Variants in CBLN2 observed in about 807,000 individuals in gnomAD.
CBLN2 encodes cerebellin-2.
A neutral mutation model predicts 15.0 loss-of-function variants in CBLN2; 7 were observed. That is an observed-to-expected ratio of 0.47 (90% CI 0.27 to 0.88). The LOEUF (loss-of-function observed/expected upper bound fraction) is 0.88. Among genes scored for constraint, CBLN2 ranks in the 40% least tolerant of loss-of-function variants. CBLN2 has a pLI of 0.14. For synonymous variants in CBLN2, 149 were observed against 135.2 expected (o/e 1.10, Z -0.71); for missense variants, 242 against 304.5 (o/e 0.79, Z 1.53).
intron 1 of CBLN2, among the ~76,000 whole-genome samples, chr18:72,553,893 G>A (rs1300370421): frequency 6.6e-6 from 1 of 152,126 alleles, no homozygotes; most frequent in Admixed American, 6.5e-5. Context: ...CGAAACATTT[G>A]GCTAAAACGA....
chr18:72,604,358 T>C (rs980070555), intron 1 of CBLN2, among the ~76,000 whole-genome samples: 3 of 152,210 alleles, frequency 2.0e-5, no homozygotes, highest in Non-Finnish European at 4.4e-5. Context: ...GATTCTCCAG[T>C]ATTCTAAGAA....
At chr18:72,628,613 G>T (rs773181161) in intron 1 of CBLN2, among the ~76,000 whole-genome samples, 2 of 152,184 alleles carry the variant, frequency 1.3e-5, no homozygotes, top group African/African-American at 4.8e-5. Context: ...CTCTGAAAGG[G>T]CTGAGAGCCA....
chr18:72,605,336 T>C (rs1307320663), intron 1 of CBLN2, among the ~76,000 whole-genome samples: 1 of 152,186 alleles, frequency 6.6e-6, no homozygotes, highest in Non-Finnish European at 1.5e-5. Flanking sequence ...TACTTAATGG[T>C]TTTTTAAACA....
intron 1 of CBLN2, among the ~76,000 whole-genome samples, chr18:72,573,967 T>A (rs898139621): frequency 6.6e-6 from 1 of 152,204 alleles, no homozygotes; most frequent in African/African-American, 2.4e-5. Context: ...TTATTTTCGA[T>A]TTTCGCCATT....
chr18:72,621,480 T>C (rs1160664033), intron 1 of CBLN2, among the ~76,000 whole-genome samples: 1 of 152,230 alleles, frequency 6.6e-6, no homozygotes, highest in Non-Finnish European at 1.5e-5. Context: ...AATTGTTATG[T>C]TTATAAATAT....
At chr18:72,572,897 T>C (rs1406009437) in intron 1 of CBLN2, among the ~76,000 whole-genome samples, 1 of 152,210 alleles carries the variant, frequency 6.6e-6, no homozygotes, top group African/African-American at 2.4e-5. Context: ...AATTTAAGTA[T>C]GCTAAAGAAT....
In CBLN2 at chr18:72,584,577, C is replaced by T. The variant is rs147870529; in HGVS notation, c.16-45805G>A. Among the ~76,000 whole-genome samples, 478 of 152,272 alleles carry T rather than the reference C, an allele frequency of 3.1e-3. 2 individuals are homozygous for T. The highest frequency in any genetic ancestry group is 0.011 in the African/African-American group (449 of 41,548). ...TCAGCCTCCCAAAGTGCTGGGATTACATGCATAAGCCACCATGCCCAGCCT... is the reference window on the plus strand; with the variant it reads ...TCAGCCTCCCAAAGTGCTGGGATTATATGCATAAGCCACCATGCCCAGCCT... On this transcript the variant is annotated intron_variant, in intron 1 of 2. Transcript: ENST00000581073.
chr18:72,612,054 G>C (rs892876320), intron 1 of CBLN2, among the ~76,000 whole-genome samples: 1 of 152,038 alleles, frequency 6.6e-6, no homozygotes, highest in African/African-American at 2.4e-5. Flanking sequence ...GCTGTTAAGT[G>C]TGTGGCTTTA....
At chr18:72,590,414 C>G (rs2069473029) in intron 1 of CBLN2, among the ~76,000 whole-genome samples, 1 of 152,086 alleles carries the variant, frequency 6.6e-6, no homozygotes, top group Non-Finnish European at 1.5e-5. Context: ...CTATTGCACT[C>G]CAGCCTGGAC....
chr18:72,625,843 T>TAA (rs1299149679), intron 1 of CBLN2, among the ~76,000 whole-genome samples: 1 of 137,964 alleles, frequency 7.2e-6, no homozygotes, highest in Non-Finnish European at 1.6e-5. Context: ...TATATATATA[T>TAA]AGTACACACA....
chr18:72,618,441 T>C (rs1399342820), intron 1 of CBLN2: 1 of 646,170 alleles, frequency 1.5e-6, no homozygotes, highest in African/African-American at 1.8e-5. Flanking sequence ...GAGCTTTGGG[T>C]TTGTCACATG....
rs932467404 is a variant in CBLN2 at position 72,536,819 on chromosome 18, C to T, written c.*1357G>A. 2 of 152,630 alleles carry T rather than the reference C, an allele frequency of 1.3e-5. No individual in the cohort carries two copies. The highest frequency in any genetic ancestry group is 2.9e-5 in the Non-Finnish European group (2 of 68,054). The allele number at this position is 152,630 out of a possible 1,614,324, so 9.5% of individuals were successfully genotyped here. A position where few individuals can be genotyped will look rare whatever the true frequency, so the allele number is the denominator to read the frequency against. On this transcript the variant is annotated 3_prime_UTR_variant, in exon 5 of 5. Transcript: ENST00000269503. ...GATTGCTTTGGGATTAGTGACATTTCCTTGGCATATGCATTACACACCCAT... is the reference window on the plus strand; with the variant it reads ...GATTGCTTTGGGATTAGTGACATTTTCTTGGCATATGCATTACACACCCAT...
At chr18:72,545,284 G>C (rs1470275916), upstream of CBLN2, among the ~76,000 whole-genome samples, 4 of 152,216 alleles carry the variant, frequency 2.6e-5, no homozygotes, top group African/African-American at 9.6e-5. Flanking sequence ...ATTGCACACT[G>C]CTGCGTGAGA....
At chr18:72,598,703 G>A (rs1392481850) in intron 1 of CBLN2, among the ~76,000 whole-genome samples, 1 of 152,204 alleles carries the variant, frequency 6.6e-6, no homozygotes, top group Non-Finnish European at 1.5e-5. Flanking sequence ...AGCTCATGGT[G>A]GCAGGGTGCT....
chr18:72,563,677 G>A (rs1330648729), intron 1 of CBLN2, among the ~76,000 whole-genome samples: 1 of 152,178 alleles, frequency 6.6e-6, no homozygotes, highest in Non-Finnish European at 1.5e-5. Flanking sequence ...CCATTCACAT[G>A]CTCCATTTGT....
intron 3 of CBLN2, 131 bp from the exon 4 acceptor site, chr18:72,538,903 A>T (rs2069088657): frequency 3.3e-6 from 4 of 1,202,112 alleles, no homozygotes. Flanking sequence ...CATCCTCAGC[A>T]TTCTGGCTTC....
intron 1 of CBLN2, chr18:72,619,141 A>T: frequency 1.4e-6 from 1 of 738,078 alleles, no homozygotes; most frequent in Non-Finnish European, 2.4e-6. Context: ...GGTGGAAGCC[A>T]GTACTTTGCC....
chr18:72,564,537 C>T (rs538850934), intron 1 of CBLN2, among the ~76,000 whole-genome samples: 2 of 152,070 alleles, frequency 1.3e-5, no homozygotes, highest in South Asian at 4.1e-4. Flanking sequence ...AAAAAACATA[C>T]ACTATATGGT....
At chr18:72,558,046 C>T (rs1231732288) in intron 1 of CBLN2, among the ~76,000 whole-genome samples, 4 of 152,098 alleles carry the variant, frequency 2.6e-5, no homozygotes, top group Admixed American at 2.0e-4. Context: ...CGGAAGGTTT[C>T]CTAAAGGAGC....
Sources: gnomAD v4.1 joint callset for allele counts (sites outside exome capture counted in the v4.1 genomes callset) on GRCh38, gnomAD v4.1.1 for gene constraint, MANE v1.5 for transcripts, NCBI Gene and HGNC (gene_info 2026-07-23, HGNC 2026-07-21) for gene names.